GLIS3: variants seen among roughly 807,000 people sequenced by gnomAD.
GLIS3 encodes zinc finger protein GLIS3.
GLIS3 carries 53 observed loss-of-function variants against 78.6 expected under a neutral mutation model. The ratio of observed to expected loss-of-function variants is 0.67; its 90% confidence interval spans 0.54 to 0.85. GLIS3 has a LOEUF of 0.85. Among genes scored for constraint, GLIS3 ranks in the 40% least tolerant of loss-of-function variants. The pLI is 0.00. For synonymous variants in GLIS3, 684 were observed against 509.9 expected (o/e 1.34, Z -4.60); for missense variants, 1,703 against 1,231.1 (o/e 1.38, Z -5.74).
chr9:4,032,868 T>C (rs569799243), intron 4 of GLIS3, among the ~76,000 whole-genome samples: 23 of 151,888 alleles, frequency 1.5e-4, no homozygotes, highest in South Asian at 1.5e-3. Context: ...TTTTTTTTTT[T>C]CCTGAGACAG....
At chr9:4,239,703 C>T (rs1485609179) in intron 2 of GLIS3, among the ~76,000 whole-genome samples, 2 of 152,202 alleles carry the variant, frequency 1.3e-5, no homozygotes, top group African/African-American at 4.8e-5. Context: ...ACTTCCCTCC[C>T]TTATTAGATT....
At chr9:4,091,438 C>T (rs1314274018) in intron 4 of GLIS3, among the ~76,000 whole-genome samples, 1 of 151,942 alleles carries the variant, frequency 6.6e-6, no homozygotes, top group African/African-American at 2.4e-5. Context: ...TCCATTTATC[C>T]TTAGTGGAAA....
At chr9:3,850,310 G>C (rs1819349361) in intron 9 of GLIS3, among the ~76,000 whole-genome samples, 1 of 152,212 alleles carries the variant, frequency 6.6e-6, no homozygotes, top group African/African-American at 2.4e-5. Flanking sequence ...ACCTCTGGGA[G>C]GGAGCCCCCT....
chr9:4,196,046 GT>G (rs1169314465), intron 2 of GLIS3, among the ~76,000 whole-genome samples: 1 of 152,070 alleles, frequency 6.6e-6, no homozygotes, highest in Non-Finnish European at 1.5e-5. Flanking sequence ...GAACTTTTAT[GT>G]CTAGCTAAAG....
At chr9:4,327,368 T>C (rs144558465) in intron 2 of GLIS3, among the ~76,000 whole-genome samples, 98 of 151,994 alleles carry the variant, frequency 6.4e-4, no homozygotes, top group African/African-American at 2.2e-3. Flanking sequence ...GGATGTGATA[T>C]TGTGATCCAG....
intron 2 of GLIS3, among the ~76,000 whole-genome samples, chr9:4,179,343 T>C (rs955464386): frequency 3.9e-5 from 6 of 152,180 alleles, no homozygotes; most frequent in Admixed American, 2.6e-4. Context: ...AGACAGCATC[T>C]AAAACAACTT....
intron 4 of GLIS3, among the ~76,000 whole-genome samples, chr9:3,966,023 A>G (rs527638562): frequency 6.6e-6 from 1 of 152,238 alleles, no homozygotes; most frequent in Admixed American, 6.5e-5. Flanking sequence ...ATTCCTAATG[A>G]ATGATAATTT....
intron 2 of GLIS3, among the ~76,000 whole-genome samples, chr9:4,245,466 T>C (rs1025477888): frequency 1.3e-5 from 2 of 152,242 alleles, no homozygotes; most frequent in African/African-American, 2.4e-5. Context: ...ACCTACTTAC[T>C]TCATGGTGTA....
rs538675682 is a variant in GLIS3, at chr9:4,005,421, C to A, written c.1711-68232G>T. On this transcript the variant is annotated intron_variant, in intron 4 of 10. Transcript: ENST00000381971. Reference sequence around the variant, plus strand: ...ATAGATACATGTATATTCATACTCACAGGGGGCTAATAGGAGGCAGAGTAG... The same window carrying A: ...ATAGATACATGTATATTCATACTCAAAGGGGGCTAATAGGAGGCAGAGTAG... Among the ~76,000 whole-genome samples, 3 of 152,274 alleles carry A rather than the reference C, an allele frequency of 2.0e-5. No homozygotes were observed. In the South Asian group the frequency reaches 6.2e-4, roughly 32 times the overall value.
the GLIS3 span, among the ~76,000 whole-genome samples, chr9:4,437,857 TTAA>T: frequency 6.6e-6 from 1 of 152,348 alleles, no homozygotes; most frequent in Non-Finnish European, 1.5e-5. Flanking sequence ...TACGATTTTC[TTAA>T]TAATATTTTC....
At chr9:3,985,731 A>T (rs1819690016) in intron 4 of GLIS3, among the ~76,000 whole-genome samples, 1 of 152,236 alleles carries the variant, frequency 6.6e-6, no homozygotes, top group Non-Finnish European at 1.5e-5. Context: ...TCATGTGAGA[A>T]ATCTAAGATT....
chr9:4,187,177 G>A (rs879322650), intron 2 of GLIS3, among the ~76,000 whole-genome samples: 1 of 152,174 alleles, frequency 6.6e-6, no homozygotes, highest in Admixed American at 6.5e-5. Context: ...TTTGTGTAAG[G>A]TGTAAGGAAG....
intron 2 of GLIS3, among the ~76,000 whole-genome samples, chr9:4,239,439 C>G (rs1241676000): frequency 6.6e-6 from 1 of 151,786 alleles, no homozygotes; most frequent in Non-Finnish European, 1.5e-5. Flanking sequence ...ATGAACGAAC[C>G]TAGATTACAG....
intron 2 of GLIS3, among the ~76,000 whole-genome samples, chr9:4,134,081 G>C (rs1833208440): frequency 6.6e-6 from 1 of 152,154 alleles, no homozygotes; most frequent in African/African-American, 2.4e-5. Context: ...AACGTGGCAA[G>C]AAAGACTGAA....
At chr9:4,326,860 G>A (rs1221018206) in intron 2 of GLIS3, among the ~76,000 whole-genome samples, 2 of 152,180 alleles carry the variant, frequency 1.3e-5, no homozygotes, top group Non-Finnish European at 2.9e-5. Context: ...GCATAAGCGT[G>A]GAGCATCTTG....
the GLIS3 span, among the ~76,000 whole-genome samples, chr9:4,397,066 C>T: frequency 7.3e-6 from 1 of 137,926 alleles, no homozygotes; most frequent in Non-Finnish European, 1.5e-5. Flanking sequence ...CGCTCTGTCT[C>T]CCAGGCTGGA....
the GLIS3 span, among the ~76,000 whole-genome samples, chr9:4,404,255 C>T: frequency 6.6e-6 from 1 of 152,030 alleles, no homozygotes; most frequent in South Asian, 2.1e-4. Flanking sequence ...GAGAAATAGG[C>T]CCAAATACAA....
chr9:4,368,361 C>A, the GLIS3 span, among the ~76,000 whole-genome samples: 5 of 142,438 alleles, frequency 3.5e-5, no homozygotes, highest in African/African-American at 1.3e-4. Flanking sequence ...TTTTTGGAGA[C>A]GGAGTCTGAG....
intron 2 of GLIS3, among the ~76,000 whole-genome samples, chr9:4,279,328 C>T (rs1312405398): frequency 0.059 from 1,602 of 27,108 alleles, 39 homozygotes; most frequent in Non-Finnish European, 0.076. Context: ...TATATATACA[C>T]ACACACACAC....
Sources: gnomAD v4.1 joint callset for allele counts (sites outside exome capture counted in the v4.1 genomes callset) on GRCh38, gnomAD v4.1.1 for gene constraint, MANE v1.5 for transcripts, NCBI Gene and HGNC (gene_info 2026-07-23, HGNC 2026-07-21) for gene names.